The following JAZF1 variants were observed in gnomAD, a reference collection of about 807,000 sequenced individuals.
JAZF1 encodes the protein juxtaposed with another zinc finger protein 1.
Under a neutral mutation model 26.4 loss-of-function variants are expected in JAZF1, and 8 were observed. The observed-to-expected ratio is 0.30, with a 90% CI of 0.18 to 0.55. The LOEUF is 0.55. Among genes scored for constraint, JAZF1 ranks in the 20% least tolerant of loss-of-function variants. The probability of loss-of-function intolerance (pLI) is 0.94; values close to 1 mark genes in which losing one functional copy is unlikely to be tolerated. For synonymous variants in JAZF1, 126 were observed against 122.3 expected (o/e 1.03, Z -0.20); for missense variants, 199 against 322.0 (o/e 0.62, Z 2.92).
chr7:28,092,949 T>G (rs529180624), intron 1 of JAZF1, among the ~76,000 whole-genome samples: 1 of 152,350 alleles, frequency 6.6e-6, no homozygotes, highest in South Asian at 2.1e-4. Flanking sequence ...CATTATTTCA[T>G]GTAACTTAAA....
intron 3 of JAZF1, among the ~76,000 whole-genome samples, chr7:27,871,199 G>A (rs1007264192): frequency 6.6e-6 from 1 of 152,198 alleles, no homozygotes; most frequent in Non-Finnish European, 1.5e-5. Flanking sequence ...TTTGAGACCA[G>A]CACTAAATAC....
intron 3 of JAZF1, among the ~76,000 whole-genome samples, chr7:27,845,659 T>A: frequency 7.2e-6 from 1 of 139,640 alleles, no homozygotes; most frequent in Non-Finnish European, 1.5e-5. Context: ...ATGGCGCCAT[T>A]GCACTCCAGC....
intron 2 of JAZF1, among the ~76,000 whole-genome samples, chr7:27,990,811 T>C (rs919307665): frequency 6.6e-6 from 1 of 152,234 alleles, no homozygotes; most frequent in Non-Finnish European, 1.5e-5. Context: ...TTTCATTTGA[T>C]GTAATTTTGA....
At position 27,979,366 on chromosome 7, in the gene JAZF1, A is replaced by ATT. The variant is rs55737757; in HGVS notation, c.188+12541_188+12542dup. Among the ~76,000 whole-genome samples, 27 of 58,434 alleles carry ATT rather than the reference A, an allele frequency of 4.6e-4. 3 individuals are homozygous for ATT. The highest frequency in any genetic ancestry group is 4.1e-3 in the East Asian group (5 of 1,206). The allele number at this position is 58,434 out of a possible 152,430, so 38.3% of individuals were successfully genotyped here. A position where few individuals can be genotyped will look rare whatever the true frequency, so the allele number is the denominator to read the frequency against. Reference sequence around the variant, plus strand: ...TAACAGGCGTGGCCAGGTACACTACATTTTTTTTTTTTTTTTTTTTTTTTT... The same window carrying ATT: ...TAACAGGCGTGGCCAGGTACACTACATTTTTTTTTTTTTTTTTTTTTTTTTTT... On this transcript the variant is annotated intron_variant, in intron 2 of 4. Coordinates refer to ENST00000283928, the MANE Select transcript of JAZF1 (RefSeq NM_175061.4).
intron 2 of JAZF1, among the ~76,000 whole-genome samples, chr7:27,966,042 C>T (rs777042447): frequency 8.5e-5 from 13 of 152,222 alleles, no homozygotes; most frequent in Non-Finnish European, 1.6e-4. Context: ...TCTCCTTCCC[C>T]TGCTATTGCA....
At chr7:27,996,186 G>A (rs1786012048) in intron 1 of JAZF1, among the ~76,000 whole-genome samples, 1 of 152,176 alleles carries the variant, frequency 6.6e-6, no homozygotes, top group African/African-American at 2.4e-5. Context: ...CTTTGGCTAT[G>A]CTTTAGCTGG....
At chr7:28,058,992 A>T (rs1783758702) in intron 1 of JAZF1, among the ~76,000 whole-genome samples, 1 of 152,212 alleles carries the variant, frequency 6.6e-6, no homozygotes, top group African/African-American at 2.4e-5. Context: ...CAAAGAAATT[A>T]AAATCTGCCC....
intron 1 of JAZF1, among the ~76,000 whole-genome samples, chr7:28,010,144 G>A (rs1351732301): frequency 6.6e-6 from 1 of 152,134 alleles, no homozygotes; most frequent in African/African-American, 2.4e-5. Flanking sequence ...GCCTTTCTGT[G>A]TCCTGTTCCC....
At chr7:27,902,666 T>C (rs1784184791) in intron 2 of JAZF1, among the ~76,000 whole-genome samples, 1 of 152,204 alleles carries the variant, frequency 6.6e-6, no homozygotes, top group Non-Finnish European at 1.5e-5. Context: ...ATAAAGCACT[T>C]AGAACAGGGC....
intron 1 of JAZF1, among the ~76,000 whole-genome samples, chr7:28,162,514 G>A (rs768378982): frequency 4.6e-5 from 7 of 152,176 alleles, no homozygotes; most frequent in Non-Finnish European, 7.3e-5. Flanking sequence ...TAGAGTGACC[G>A]CTCCTTGGGA....
chr7:28,129,419 G>T (rs570532148), intron 1 of JAZF1, among the ~76,000 whole-genome samples: 2 of 152,170 alleles, frequency 1.3e-5, no homozygotes, highest in East Asian at 3.9e-4. Context: ...TCTGGGGCCC[G>T]AACATTGTTG....
intron 1 of JAZF1, among the ~76,000 whole-genome samples, chr7:28,000,618 CTTTCTTTT>C (rs1485363283): frequency 2.0e-3 from 114 of 58,080 alleles, no homozygotes; most frequent in South Asian, 3.2e-3. Context: ...TTCTTTCTTT[CTTTCTTTT>C]TTTTTTTTTT....
intron 3 of JAZF1, among the ~76,000 whole-genome samples, chr7:27,849,420 A>G (rs755737746): frequency 2.0e-5 from 3 of 152,244 alleles, no homozygotes; most frequent in Non-Finnish European, 4.4e-5. Context: ...CGCTAATGTT[A>G]GAGTTTCTGC....
intron 1 of JAZF1, among the ~76,000 whole-genome samples, chr7:28,108,593 T>C (rs762049802): frequency 6.6e-6 from 1 of 152,172 alleles, no homozygotes; most frequent in Non-Finnish European, 1.5e-5. Flanking sequence ...CCTTGTGCAC[T>C]GTTGGCAGGA....
intron 1 of JAZF1, among the ~76,000 whole-genome samples, chr7:27,999,140 C>T (rs1786082204): frequency 6.6e-6 from 1 of 152,204 alleles, no homozygotes; most frequent in Non-Finnish European, 1.5e-5. Flanking sequence ...ATACAGCCTG[C>T]ATATCTGTAT....
At chr7:27,970,306 G>A (rs753681465) in intron 2 of JAZF1, among the ~76,000 whole-genome samples, 5 of 152,090 alleles carry the variant, frequency 3.3e-5, no homozygotes, top group Admixed American at 1.3e-4. Context: ...CATAAATTTC[G>A]GTAAGAACCC....
rs193255670 is a variant in JAZF1, at chr7:27,872,014, C to T, written c.385+23206G>A. ...GCTAAAGCAAATTGTTATAATGTCA[C>T]TGCCTATGGTGCTGTTGAGGCTTTA... On this transcript the variant is annotated intron_variant, in intron 3 of 4. Transcript: ENST00000283928. Among the ~76,000 whole-genome samples, 4 of 152,370 alleles carry T rather than the reference C, an allele frequency of 2.6e-5. No homozygotes were observed. In the East Asian group the frequency reaches 7.7e-4, roughly 29 times the overall value.
intron 3 of JAZF1, among the ~76,000 whole-genome samples, chr7:27,858,410 GCC>G (rs1783311128): frequency 6.6e-6 from 1 of 152,044 alleles, no homozygotes; most frequent in Non-Finnish European, 1.5e-5. Context: ...CCAAAAAAGG[GCC>G]CATATAGCCA....
intron 1 of JAZF1, among the ~76,000 whole-genome samples, chr7:28,099,595 G>A (rs1302523024): frequency 6.6e-6 from 1 of 152,084 alleles, no homozygotes; most frequent in Non-Finnish European, 1.5e-5. Context: ...TCCTGCCTCA[G>A]CCTCCCAAGT....
Sources: allele counts gnomAD v4.1 joint callset (sites outside exome capture counted in the v4.1 genomes callset), GRCh38; gene constraint gnomAD v4.1.1; transcripts MANE v1.5; gene names NCBI Gene and HGNC (gene_info 2026-07-23, HGNC 2026-07-21).